The following DHRS11 variants were observed in gnomAD, a reference collection of about 807,000 sequenced individuals.
The protein encoded by DHRS11 is dehydrogenase/reductase SDR family member 11.
DHRS11 carries 18 observed loss-of-function variants against 30.7 expected under a neutral mutation model. That is an observed-to-expected ratio of 0.59 (90% CI 0.41 to 0.87). The LOEUF (loss-of-function observed/expected upper bound fraction) is 0.87, where lower values mean the gene tolerates loss of function less well. Ranked by LOEUF, DHRS11 falls within the 40% of genes least tolerant of loss-of-function variation. The probability of loss-of-function intolerance (pLI) is 0.00; values close to 1 mark genes in which losing one functional copy is unlikely to be tolerated. For synonymous variants in DHRS11, 123 were observed against 139.6 expected (o/e 0.88, Z 0.84); for missense variants, 300 against 349.0 (o/e 0.86, Z 1.12).
chr17:36,599,560 C>A, intron 4 of DHRS11, 111 bp from the exon 5 acceptor site: 1 of 1,098,770 alleles, frequency 9.1e-7, no homozygotes, highest in Non-Finnish European at 1.4e-6. Context: ...TGCCGGATAT[C>A]AGGCAGCCAT....
chr17:36,599,351 C>T lies in DHRS11; in HGVS notation c.582+301C>T, dbSNP rs1430719760. The T allele has an allele frequency of 5.4e-6, 3 of 551,522 alleles. No individual in the cohort carries two copies. In the African/African-American group the frequency reaches 5.7e-5, roughly 10 times the overall value. The allele number at this position is 551,522 out of a possible 1,614,324, so 34.2% of individuals were successfully genotyped here. On this transcript the variant is annotated intron_variant, in intron 4 of 6. Coordinates refer to ENST00000618403, the MANE Select transcript of DHRS11 (RefSeq NM_024308.4). ...TGGCTGGAAACCGGGACTCTGGGCT[C>T]TTCTCTTGAAGGCCGCATGATCGTG...
rs778411015 is a variant in DHRS11 at position 36,592,100 on chromosome 17, C to T, written c.91C>T (p.Leu31=). 2.5e-5 allele frequency: 31 copies of T among 1,258,842 alleles called. No homozygotes were observed. Among genetic ancestry groups the T allele is most frequent in the East Asian group, 3.0e-5 (1 of 33,230 alleles). The allele number at this position is 1,258,842 out of a possible 1,614,324, so 78.0% of individuals were successfully genotyped here. The change falls in exon 1 of 7, where the codon CTG becomes TTG. Residue 31 remains leucine (L), a synonymous_variant. Coordinates refer to ENST00000618403, the MANE Select transcript of DHRS11 (RefSeq NM_024308.4). This position sits in a 1 kb window ranked among gnomAD's most constrained non-coding sequence, Gnocchi z 4.4. ...CATCGGCGCGGCCGTGGCCCGGGCC[C>T]TGGTCCAGCAGGGACTGAAGGTGGT... ...GGIGAAVARA[L]VQQGLKVVGC... is the part of the protein sequence containing the mutation.
intron 1 of DHRS11, chr17:36,594,713 C>A (rs2074795007): frequency 3.5e-6 from 2 of 575,180 alleles, no homozygotes; most frequent in Non-Finnish European, 6.2e-6. Context: ...CCACGCCCAG[C>A]CAGGACTTGA....
Position 36,592,825 on chromosome 17 carries a change from A to AT in DHRS11, c.147+672dup, listed in dbSNP as rs2142809826. The stretch of plus-strand genomic sequence containing the variant: ...GATGGCCATTTTGGAGCAGGGAGGA[A>AT]TTTCTGTGCTAGGCTCTCTCTGGAT... On this transcript the variant is annotated intron_variant, in intron 1 of 6. Coordinates refer to ENST00000618403, the MANE Select transcript of DHRS11 (RefSeq NM_024308.4). The surrounding 1 kb of genome is among the most constrained non-coding windows in gnomAD (Gnocchi z 4.4). 1.3e-5 allele frequency among the ~76,000 whole-genome samples: 2 copies of AT among 152,136 alleles called. No homozygotes were observed. Among genetic ancestry groups the AT allele is most frequent in the East Asian group, 3.9e-4 (2 of 5,160 alleles).
At chr17:36,599,928 G>T (rs1166280879) in intron 5 of DHRS11, 44 bp from the exon 6 acceptor site, 1 of 1,607,526 alleles carries the variant, frequency 6.2e-7, no homozygotes, top group South Asian at 1.1e-5. Flanking sequence ...GGGAATTTGA[G>T]TCCATTCTGT....
At chr17:36,599,646 G>A in intron 4 of DHRS11, 25 bp from the exon 5 acceptor site, 1 of 1,613,808 alleles carries the variant, frequency 6.2e-7, no homozygotes, top group Non-Finnish European at 8.5e-7. Context: ...CTCAGCCCCT[G>A]AGAAGGCCCT....
chr17:36,595,014 T>C lies in DHRS11; in HGVS notation c.191T>C (p.Leu64Ser). The C allele has an allele frequency of 1.2e-6, 2 of 1,614,218 alleles. No individual in the cohort carries two copies. Among genetic ancestry groups the C allele is most frequent in the Non-Finnish European group, 1.7e-6 (2 of 1,180,040 alleles). ...AAGAGTGCAGGCTACCCCGGGACTT[T>C]GATCCCCTACAGATGTGACCTATCA... is the stretch of plus-strand genomic sequence containing the variant. Reference protein sequence around the residue: ...ECKSAGYPGTLIPYRCDLSNE... With the variant: ...ECKSAGYPGTSIPYRCDLSNE... The change falls in exon 2 of 7, where the codon TTG becomes TCG. Residue 64 changes from leucine to serine, a missense_variant. By Grantham distance (145) the Leu-to-Ser change is moderately radical. Transcript: ENST00000618403.
chr17:36,592,189 G>T lies in DHRS11; in HGVS notation c.147+33G>T, dbSNP rs1053337606. On this transcript the variant is annotated intron_variant, in intron 1 of 6. Transcript: ENST00000618403. The surrounding 1 kb of genome is among the most constrained non-coding windows in gnomAD (Gnocchi z 4.4). Reference sequence around the variant, plus strand: ...CGGGCCGAGGGCGGGGACGTCGCGGGCGGGTCGTTTCCCCGGAGTCGGGTT... The same window carrying T: ...CGGGCCGAGGGCGGGGACGTCGCGGTCGGGTCGTTTCCCCGGAGTCGGGTT... The T allele has an allele frequency of 1.6e-6, 2 of 1,255,976 alleles. No individual in the cohort carries two copies. Among genetic ancestry groups the T allele is most frequent in the African/African-American group, 1.5e-5 (1 of 65,266 alleles). The allele number at this position is 1,255,976 out of a possible 1,614,324, so 77.8% of individuals were successfully genotyped here.
At chr17:36,594,513 A>T (rs2074793413) in intron 1 of DHRS11, 1 of 201,072 alleles carries the variant, frequency 5.0e-6, no homozygotes, top group Admixed American at 5.2e-5. Context: ...AGCTCCTGCA[A>T]CCTCCGCCTC....
chr17:36,599,553 C>A, intron 4 of DHRS11, 118 bp from the exon 5 acceptor site: 2 of 1,021,768 alleles, frequency 2.0e-6, no homozygotes, highest in South Asian at 1.4e-5. Context: ...AGGCCGCTGC[C>A]GGATATCAGG....
intron 4 of DHRS11, chr17:36,599,391 C>T: frequency 1.8e-6 from 1 of 562,786 alleles, no homozygotes; most frequent in Admixed American, 3.3e-5. Flanking sequence ...AGTCACTGAA[C>T]CTCCCTAAGC....
chr17:36,600,143 T>C lies in DHRS11; in HGVS notation c.742-19T>C. 1 of 1,603,644 alleles carries C rather than the reference T, an allele frequency of 6.2e-7. No homozygotes were observed. Among genetic ancestry groups the C allele is most frequent in the Non-Finnish European group, 8.5e-7 (1 of 1,173,558 alleles). On this transcript the variant is annotated intron_variant, in intron 6 of 6. Coordinates refer to ENST00000618403, the MANE Select transcript of DHRS11 (RefSeq NM_024308.4). Reference sequence around the variant, plus strand: ...AGGGGAGAGTGTCACAGCTGCCTCATGCCTTGTACCTTCCACAGATTGGAG... The same window carrying C: ...AGGGGAGAGTGTCACAGCTGCCTCACGCCTTGTACCTTCCACAGATTGGAG...
At chr17:36,595,371 A>G (rs1395676494) in intron 2 of DHRS11, among the ~76,000 whole-genome samples, 191 bp downstream of exon 2, 1 of 144,904 alleles carries the variant, frequency 6.9e-6, no homozygotes. Flanking sequence ...ATGAATGGCC[A>G]TATCAGCTCT....
At chr17:36,598,338 C>CA in intron 3 of DHRS11, 81 bp downstream of exon 3, 1 of 1,293,908 alleles carries the variant, frequency 7.7e-7, no homozygotes, top group Non-Finnish European at 1.1e-6. Flanking sequence ...CTTTGGACCT[C>CA]AGTTTCCTTG....
intron 4 of DHRS11, 175 bp downstream of exon 4, chr17:36,599,225 T>A: frequency 9.8e-7 from 1 of 1,022,042 alleles, no homozygotes; most frequent in Non-Finnish European, 1.4e-6. Flanking sequence ...CTTCATTTCC[T>A]CATTTCACTG....
intron 2 of DHRS11, chr17:36,597,010 T>C (rs2074816101): frequency 5.0e-6 from 2 of 403,830 alleles, no homozygotes; most frequent in East Asian, 1.4e-4. Flanking sequence ...TCCTTTCAGC[T>C]TGAACATTAT....
chr17:36,598,152 C>G lies in DHRS11; in HGVS notation c.358-11C>G, dbSNP rs1327785046. 1 of 1,613,766 alleles carries G rather than the reference C, an allele frequency of 6.2e-7. No homozygotes were observed. The highest frequency in any genetic ancestry group is 2.2e-5 in the East Asian group (1 of 44,894). On this transcript the variant is annotated splice_polypyrimidine_tract_variant and intron_variant, in intron 2 of 6. Coordinates refer to ENST00000618403, the MANE Select transcript of DHRS11 (RefSeq NM_024308.4). ...GAGTGGAGACACCTCATTGCCCTCC[C>G]TGGCCTGCAGGTGAACGTGCTGGCC...
chr17:36,599,051 G>A lies in DHRS11; in HGVS notation c.582+1G>A, dbSNP rs1567843112. 1.9e-6 allele frequency: 3 copies of A among 1,610,918 alleles called. No homozygotes were observed. The highest frequency in any genetic ancestry group is 2.5e-6 in the Non-Finnish European group (3 of 1,179,892). On this transcript the variant is annotated splice_donor_variant, in intron 4 of 6. Coordinates refer to ENST00000618403, the MANE Select transcript of DHRS11 (RefSeq NM_024308.4). LOFTEE classifies it high-confidence loss of function. Reference sequence around the variant, plus strand: ...GGCCCAGACCCACATCCGAGCCACGGTGAGGCTGTGGCCTAGCCCTGGTGG... The same window carrying A: ...GGCCCAGACCCACATCCGAGCCACGATGAGGCTGTGGCCTAGCCCTGGTGG...
At chr17:36,598,693 T>C (rs988284665) in intron 3 of DHRS11, 1 of 554,056 alleles carries the variant, frequency 1.8e-6, no homozygotes, top group East Asian at 3.1e-5. Flanking sequence ...ACCAGGAGAG[T>C]GCATTCTGTC....
Sources: gnomAD v4.1 joint callset for allele counts (sites outside exome capture counted in the v4.1 genomes callset) on GRCh38, gnomAD v4.1.1 for gene constraint, Gnocchi (gnomAD v3.1) non-coding constraint, MANE v1.5 for transcripts, NCBI Gene and HGNC (gene_info 2026-07-23, HGNC 2026-07-21) for gene names.